SPATS2L: variants seen among roughly 807,000 people sequenced by gnomAD.
The protein encoded by SPATS2L is SPATS2-like protein.
In SPATS2L, 30 loss-of-function variants were observed where a neutral mutation model predicts 59.6. The observed-to-expected ratio is 0.50, with a 90% CI of 0.38 to 0.68. The LOEUF is 0.68. SPATS2L is among the 30% of genes least tolerant of loss of function. SPATS2L has a pLI of 0.00. For missense variants in SPATS2L, 615 were observed against 700.0 expected (o/e 0.88, Z 1.37); for synonymous variants, 252 against 263.5 (o/e 0.96, Z 0.42).
intron 2 of SPATS2L, among the ~76,000 whole-genome samples, chr2:200,357,828 C>T (rs1477969134): frequency 6.6e-6 from 1 of 152,104 alleles, no homozygotes; most frequent in African/African-American, 2.4e-5. Flanking sequence ...AGTATATGTA[C>T]GCGAGCAATA....
At chr2:200,306,447 G>C (rs2079013471), upstream of SPATS2L, 2 of 1,002,184 alleles carry the variant, frequency 2.0e-6, no homozygotes, top group Admixed American at 6.2e-5. Context: ...GATTCTTCTA[G>C]AAAGTGGGGT....
intron 2 of SPATS2L, among the ~76,000 whole-genome samples, chr2:200,361,903 T>G (rs1182006567): frequency 6.6e-6 from 1 of 152,194 alleles, no homozygotes; most frequent in Admixed American, 6.6e-5. Flanking sequence ...TTAGGACATT[T>G]ATACATAAGT....
chr2:200,348,901 A>T (rs202200937), intron 2 of SPATS2L, among the ~76,000 whole-genome samples: 26 of 151,410 alleles, frequency 1.7e-4, no homozygotes, highest in East Asian at 1.2e-3. Flanking sequence ...AAAAAAAAAA[A>T]TTTGCATGTG....
At chr2:200,337,072 T>C (rs1415740843) in intron 2 of SPATS2L, among the ~76,000 whole-genome samples, 1 of 152,232 alleles carries the variant, frequency 6.6e-6, no homozygotes, top group Non-Finnish European at 1.5e-5. Flanking sequence ...TTCATCTTTT[T>C]AACTAACTCT....
rs1324313935 is a variant in SPATS2L, at chr2:200,480,036, C to T, written c.*2005C>T. The T allele has an allele frequency of 6.8e-6, 2 of 294,770 alleles. No individual in the cohort carries two copies. Among genetic ancestry groups the T allele is most frequent in the African/African-American group, 4.3e-5 (2 of 46,818 alleles). 18.3% of individuals were successfully genotyped at this position (294,770 alleles called of 1,614,324 possible). On this transcript the variant is annotated 3_prime_UTR_variant, in exon 13 of 13. Coordinates refer to ENST00000409140, the MANE Select transcript of SPATS2L (RefSeq NM_001100423.2). ...TATATTACAAGACGGAAGGATTTTG[C>T]ACAGTTTTTTATGTAGCAAGATTTT...
intron 2 of SPATS2L, among the ~76,000 whole-genome samples, chr2:200,382,106 A>G (rs1006373075): frequency 6.6e-6 from 1 of 152,116 alleles, no homozygotes; most frequent in Non-Finnish European, 1.5e-5. Context: ...CCCAGGCTGG[A>G]GTGCAGTGAC....
intron 6 of SPATS2L, among the ~76,000 whole-genome samples, chr2:200,437,349 A>C (rs1051535418): frequency 6.6e-6 from 1 of 152,122 alleles, no homozygotes; most frequent in African/African-American, 2.4e-5. Flanking sequence ...TTAGTTTTTT[A>C]ATCTTTTACA....
intron 9 of SPATS2L, among the ~76,000 whole-genome samples, chr2:200,463,979 G>A (rs2106203114): frequency 6.6e-6 from 1 of 152,316 alleles, no homozygotes; most frequent in Admixed American, 6.5e-5. Context: ...AAAGCTTGAA[G>A]GAGTTTATAA....
Position 200,479,277 on chromosome 2 carries a change from G to A in SPATS2L, c.*1246G>A, listed in dbSNP as rs1320626554. The A allele has an allele frequency of 6.3e-6, 2 of 318,964 alleles. No homozygotes were observed. Among genetic ancestry groups the A allele is most frequent in the Non-Finnish European group, 1.1e-5 (2 of 176,056 alleles). The allele number at this position is 318,964 out of a possible 1,614,324, so 19.8% of individuals were successfully genotyped here. A position where few individuals can be genotyped will look rare whatever the true frequency, so the allele number is the denominator to read the frequency against. ...ATTGCATTCAGAATTGTGGCAAAGG[G>A]CCACCATGCTCTTAAGACTCAAGTC... On this transcript the variant is annotated 3_prime_UTR_variant, in exon 13 of 13. Coordinates refer to ENST00000409140, the MANE Select transcript of SPATS2L (RefSeq NM_001100423.2).
chr2:200,307,653 G>A (rs1013594865), intron 1 of SPATS2L, among the ~76,000 whole-genome samples: 1 of 152,232 alleles, frequency 6.6e-6, no homozygotes, highest in East Asian at 1.9e-4. Context: ...GCTGGACGCC[G>A]GCGCACTCTG....
chr2:200,374,607 C>G (rs1397726069), intron 2 of SPATS2L, among the ~76,000 whole-genome samples: 1 of 151,988 alleles, frequency 6.6e-6, no homozygotes. Flanking sequence ...CATGTAGTGT[C>G]TGGCCCAGGA....
At chr2:200,336,874 T>A (rs1436998334) in intron 2 of SPATS2L, among the ~76,000 whole-genome samples, 1 of 152,210 alleles carries the variant, frequency 6.6e-6, no homozygotes, top group Admixed American at 6.5e-5. Context: ...TTCCTTGTTT[T>A]TCAAGCACAT....
Position 200,414,586 on chromosome 2 carries a change from C to T in SPATS2L, c.149-1793C>T, listed in dbSNP as rs934426661. Among the ~76,000 whole-genome samples, 7 of 151,466 alleles carry T rather than the reference C, an allele frequency of 4.6e-5. No individual in the cohort carries two copies. The East Asian group carries it at 9.7e-4, about 21-fold the overall frequency. ...TCGAGGCTGCAGTGAGCCATGTTTG[C>T]ACCACTGCACTCCAGCCTGGGCAAC... On this transcript the variant is annotated intron_variant, in intron 4 of 12. Coordinates refer to ENST00000409140, the MANE Select transcript of SPATS2L (RefSeq NM_001100423.2).
chr2:200,389,615 T>C lies in SPATS2L; in HGVS notation c.39+332T>C, dbSNP rs2082108726. 1.2e-5 allele frequency: 3 copies of C among 240,916 alleles called. No homozygotes were observed. In the Admixed American group the frequency reaches 1.5e-4, roughly 12 times the overall value. The allele number at this position is 240,916 out of a possible 1,614,324, so 14.9% of individuals were successfully genotyped here. Reference sequence around the variant, plus strand: ...TAGCTGGTAAACAGCAGAGCTGGGATTTGAACCCATGCAGTGTGCCATTCC... The same window carrying C: ...TAGCTGGTAAACAGCAGAGCTGGGACTTGAACCCATGCAGTGTGCCATTCC... On this transcript the variant is annotated intron_variant, in intron 3 of 12. Coordinates refer to ENST00000409140, the MANE Select transcript of SPATS2L (RefSeq NM_001100423.2).
rs981833344 is a variant in SPATS2L, at chr2:200,348,425, T to C, written c.-23+18945T>C. On this transcript the variant is annotated intron_variant, in intron 2 of 12. Transcript: ENST00000409140. ...AGGCTGCTTCTTGCAGAAGCCAGTA[T>C]TGATTTTCCAGAATGCCTTCTAACT... Among the ~76,000 whole-genome samples, 3 of 152,354 alleles carry C rather than the reference T, an allele frequency of 2.0e-5. No individual in the cohort carries two copies. The East Asian group carries it at 5.8e-4, about 29-fold the overall frequency.
intron 2 of SPATS2L, among the ~76,000 whole-genome samples, chr2:200,343,019 G>A (rs529152533): frequency 6.6e-6 from 1 of 152,280 alleles, no homozygotes; most frequent in East Asian, 1.9e-4. Context: ...CTCTCTTTAA[G>A]GTACTTGTTG....
chr2:200,470,385 ACAAT>A (rs1355575990), intron 11 of SPATS2L, among the ~76,000 whole-genome samples: 1 of 152,218 alleles, frequency 6.6e-6, no homozygotes, highest in Non-Finnish European at 1.5e-5. Flanking sequence ...ATGTCTGGGA[ACAAT>A]CAGTTATTGT....
chr2:200,390,497 T>G (rs2082137170), intron 3 of SPATS2L: 1 of 152,008 alleles, frequency 6.6e-6, no homozygotes, highest in South Asian at 2.1e-4. Flanking sequence ...TTGGAGGAGG[T>G]GACATTTGAT....
intron 2 of SPATS2L, among the ~76,000 whole-genome samples, chr2:200,339,019 A>G (rs891276181): frequency 2.6e-5 from 4 of 152,262 alleles, no homozygotes; most frequent in African/African-American, 9.6e-5. Flanking sequence ...ATTTGGGTAC[A>G]AAGTACACAT....
Sources: allele counts gnomAD v4.1 joint callset (sites outside exome capture counted in the v4.1 genomes callset), GRCh38; gene constraint gnomAD v4.1.1; transcripts MANE v1.5; gene names NCBI Gene and HGNC (gene_info 2026-07-23, HGNC 2026-07-21).